Variants in CHERP observed in about 807,000 individuals in gnomAD.
The protein encoded by CHERP is calcium homeostasis endoplasmic reticulum protein, also known as ERPROT 213-21.
A neutral mutation model predicts 113.8 loss-of-function variants in CHERP; 8 were observed. The observed-to-expected ratio is 0.07, with a 90% CI of 0.04 to 0.13. The LOEUF (loss-of-function observed/expected upper bound fraction) is 0.13, where lower values mean the gene tolerates loss of function less well. Among genes scored for constraint, CHERP ranks in the 10% least tolerant of loss-of-function variants. CHERP has a pLI of 1.00. For synonymous variants in CHERP, 559 were observed against 524.5 expected (o/e 1.07, Z -0.90); for missense variants, 884 against 1,298.2 (o/e 0.68, Z 4.90).
Position 16,525,263 on chromosome 19 carries a change from G to C in CHERP, c.1720C>G (p.Pro574Ala). 7.0e-7 allele frequency: 1 copy of C among 1,433,096 alleles called. No individual in the cohort carries two copies. The highest frequency in any genetic ancestry group is 1.5e-5 in the African/African-American group (1 of 67,496). The allele number at this position is 1,433,096 out of a possible 1,614,324, so 88.8% of individuals were successfully genotyped here. Residue 574 changes from proline (P) to alanine (A), a missense_variant, in exon 10 of 17, where the codon CCC (proline) becomes GCC (alanine). Coordinates refer to ENST00000546361, the MANE Select transcript of CHERP (RefSeq NM_006387.6). This position sits in a 1 kb window ranked among gnomAD's most constrained non-coding sequence, Gnocchi z 6.5. ...RPPYPHRFDY[P>A]QGDFPAEMGP... ...TCACCGGCAGGGAAGTCCCCCTGGG[G>C]GTAGTCGAAGCGGTGGGGATAGGGC...
At position 16,525,073 on chromosome 19, in the gene CHERP, GC is replaced by G. The variant is rs1029234511; in HGVS notation, c.1741+168del. Among the ~76,000 whole-genome samples, 2 of 152,166 alleles carry G rather than the reference GC, an allele frequency of 1.3e-5. No individual in the cohort carries two copies. Among genetic ancestry groups the G allele is most frequent in the Non-Finnish European group, 2.9e-5 (2 of 68,030 alleles). On this transcript the variant is annotated intron_variant, in intron 10 of 16. Coordinates refer to ENST00000546361, the MANE Select transcript of CHERP (RefSeq NM_006387.6). This position sits in a 1 kb window ranked among gnomAD's most constrained non-coding sequence, Gnocchi z 6.5. ...ATCAGGGCGGCAAAACTGAGTCTGT[GC>G]CCCCACTTCCTGAGAACCCAGGCCG...
chr19:16,536,854 T>C (rs2085744423), intron 2 of CHERP, among the ~76,000 whole-genome samples: 1 of 151,852 alleles, frequency 6.6e-6, no homozygotes, highest in Admixed American at 6.6e-5. Flanking sequence ...CTACTGAAAA[T>C]GCAAAAAATT....
In CHERP at chr19:16,519,835, A is replaced by G; in HGVS notation, c.2463-120T>C. On this transcript the variant is annotated intron_variant, in intron 15 of 16. Coordinates refer to ENST00000546361, the MANE Select transcript of CHERP (RefSeq NM_006387.6). This position sits in a 1 kb window ranked among gnomAD's most constrained non-coding sequence, Gnocchi z 6.0. Reference sequence around the variant, plus strand: ...GCTCACTGTCACCAGGTGACACCGTATGCAGATTTTGCGTCTCTACCCGTT... The same window carrying G: ...GCTCACTGTCACCAGGTGACACCGTGTGCAGATTTTGCGTCTCTACCCGTT... The G allele has an allele frequency of 1.1e-6, 1 of 911,382 alleles. No individual in the cohort carries two copies. The highest frequency in any genetic ancestry group is 1.8e-6 in the Non-Finnish European group (1 of 553,308). The allele number at this position is 911,382 out of a possible 1,614,324, so 56.5% of individuals were successfully genotyped here.
At position 16,532,767 on chromosome 19, in the gene CHERP, A is replaced by G; in HGVS notation, c.523-18T>C. 6.3e-7 allele frequency: 1 copy of G among 1,599,544 alleles called. No individual in the cohort carries two copies. Among genetic ancestry groups the G allele is most frequent in the Non-Finnish European group, 8.5e-7 (1 of 1,169,678 alleles). ...TTCCCGGCCTGCAACAACCGAGCCA[A>G]TGACGAGTGAGCAGGGCCGCGGCTC... is the stretch of plus-strand genomic sequence containing the variant. On this transcript the variant is annotated intron_variant, in intron 4 of 16. Coordinates refer to ENST00000546361, the MANE Select transcript of CHERP (RefSeq NM_006387.6). The surrounding 1 kb of genome is among the most constrained non-coding windows in gnomAD (Gnocchi z 4.4).
chr19:16,519,081 A>G lies in CHERP; in HGVS notation c.*78T>C, dbSNP rs2085579730. The G allele has an allele frequency of 7.6e-7, 1 of 1,318,034 alleles. No individual in the cohort carries two copies. The highest frequency in any genetic ancestry group is 1.1e-6 in the Non-Finnish European group (1 of 946,700). The allele number at this position is 1,318,034 out of a possible 1,614,324, so 81.6% of individuals were successfully genotyped here. A position where few individuals can be genotyped will look rare whatever the true frequency, so the allele number is the denominator to read the frequency against. On this transcript the variant is annotated 3_prime_UTR_variant, in exon 17 of 17. Coordinates refer to ENST00000546361, the MANE Select transcript of CHERP (RefSeq NM_006387.6). This position sits in a 1 kb window ranked among gnomAD's most constrained non-coding sequence, Gnocchi z 6.0. Reference sequence around the variant, plus strand: ...GGTGTAAGAACTGAGCTGTCACTGCAATCTTCCTCTGCCAGTCAGCCAGGA... The same window carrying G: ...GGTGTAAGAACTGAGCTGTCACTGCGATCTTCCTCTGCCAGTCAGCCAGGA...
At chr19:16,539,722 T>A (rs2057147292) in intron 2 of CHERP, 1 of 151,866 alleles carries the variant, frequency 6.6e-6, no homozygotes, top group South Asian at 2.1e-4. Context: ...CAGGCTGGAG[T>A]GCAGTGGCTA....
chr19:16,541,740 T>C (rs1039557552), intron 2 of CHERP, 130 bp downstream of exon 2: 5 of 944,100 alleles, frequency 5.3e-6, no homozygotes, highest in Non-Finnish European at 8.0e-6. Context: ...GGAACAGGGA[T>C]CGTGTGGACC....
At chr19:16,537,252 C>G (rs1201725030) in intron 2 of CHERP, among the ~76,000 whole-genome samples, 2 of 151,548 alleles carry the variant, frequency 1.3e-5, no homozygotes, top group African/African-American at 4.9e-5. Context: ...GCTTGCCTCC[C>G]TTGGCCTCCA....
chr19:16,519,300 G>A lies in CHERP; in HGVS notation c.2610C>T (p.Pro870=). 6.2e-7 allele frequency: 1 copy of A among 1,613,916 alleles called. No individual in the cohort carries two copies. Among genetic ancestry groups the A allele is most frequent in the Non-Finnish European group, 8.5e-7 (1 of 1,180,012 alleles). The change falls in exon 17 of 17, where the codon CCC becomes CCT. Residue 870 remains proline (P), a synonymous_variant. Coordinates refer to ENST00000546361, the MANE Select transcript of CHERP (RefSeq NM_006387.6). The surrounding 1 kb of genome is among the most constrained non-coding windows in gnomAD (Gnocchi z 6.0). ...LGAKEQGIQD[P]IKGGDVRDKW... The stretch of plus-strand genomic sequence containing the variant: ...TATCCCGGACGTCCCCGCCCTTGAT[G>A]GGGTCCTGGATCCCTTGCTCCTTCG...
Position 16,530,606 on chromosome 19 carries a change from G to C in CHERP, c.855C>G (p.Ala285=), listed in dbSNP as rs1360143759. ...TCACCTGGTACTGACCAAGCCCCAG[G>C]GCTGGGCTCTGTAGCTGCTGAATGA... ...DSIIQQLQSP[A]LGLGQYQATL... is the part of the protein sequence containing the mutation. The change falls in exon 7 of 17, where the codon GCC becomes GCG. Residue 285 remains alanine (A), a synonymous_variant. Transcript: ENST00000546361. The surrounding 1 kb of genome is among the most constrained non-coding windows in gnomAD (Gnocchi z 4.1). 6.2e-7 allele frequency: 1 copy of C among 1,614,026 alleles called. No individual in the cohort carries two copies. Among genetic ancestry groups the C allele is most frequent in the South Asian group, 1.1e-5 (1 of 91,088 alleles).
At chr19:16,539,491 G>A (rs909028753) in intron 2 of CHERP, among the ~76,000 whole-genome samples, 3 of 152,074 alleles carry the variant, frequency 2.0e-5, no homozygotes, top group Non-Finnish European at 4.4e-5. Context: ...AGGAAGGATC[G>A]CTCTAGAAAC....
chr19:16,527,658 CA>C (rs1426213914), intron 9 of CHERP, among the ~76,000 whole-genome samples: 1 of 152,210 alleles, frequency 6.6e-6, no homozygotes, highest in Non-Finnish European at 1.5e-5. Context: ...TGAGGCCTCC[CA>C]GGGGCAACAC....
At chr19:16,527,395 T>G (rs2085663764) in intron 9 of CHERP, among the ~76,000 whole-genome samples, 1 of 152,170 alleles carries the variant, frequency 6.6e-6, no homozygotes, top group Non-Finnish European at 1.5e-5. Flanking sequence ...CCACCAAGTC[T>G]CAGTCCAGAG....
Position 16,519,748 on chromosome 19 carries a change from G to C in CHERP, c.2463-33C>G, listed in dbSNP as rs764800161. ...CGAGACAGGTTATTCTTTTTAAGAA[G>C]TAACTGAGACATTTATTGGAATGAC... On this transcript the variant is annotated intron_variant, in intron 15 of 16. Coordinates refer to ENST00000546361, the MANE Select transcript of CHERP (RefSeq NM_006387.6). The surrounding 1 kb of genome is among the most constrained non-coding windows in gnomAD (Gnocchi z 6.0). 1.3e-6 allele frequency: 2 copies of C among 1,545,248 alleles called. No individual in the cohort carries two copies. Among genetic ancestry groups the C allele is most frequent in the Admixed American group, 1.7e-5 (1 of 59,904 alleles).
intron 1 of CHERP, 124 bp from the exon 2 acceptor site, chr19:16,542,167 C>T: frequency 8.3e-7 from 1 of 1,203,074 alleles, no homozygotes; most frequent in Non-Finnish European, 1.1e-6. Flanking sequence ...GAAGAGGCCG[C>T]CCTTGTACGG....
intron 8 of CHERP, among the ~76,000 whole-genome samples, 193 bp from the exon 9 acceptor site, chr19:16,528,448 A>G (rs1420623387): frequency 2.6e-5 from 4 of 152,210 alleles, no homozygotes; most frequent in Non-Finnish European, 5.9e-5. Context: ...GACCTTGAAC[A>G]TGACACACAT....
At chr19:16,537,529 C>G (rs974061296) in intron 2 of CHERP, among the ~76,000 whole-genome samples, 1 of 151,592 alleles carries the variant, frequency 6.6e-6, no homozygotes, top group East Asian at 2.0e-4. Flanking sequence ...TTTCCTCTCA[C>G]CCCCTACACC....
At chr19:16,521,179 A>G (rs1294856948) in intron 12 of CHERP, 13 of 582,874 alleles carry the variant, frequency 2.2e-5, no homozygotes, top group Non-Finnish European at 3.7e-5. Context: ...ACTGGGAAAC[A>G]GGAACACTGA....
In CHERP at chr19:16,525,620, A is replaced by AG. The variant is rs770045437; in HGVS notation, c.1362dup (p.Trp455LeufsTer6). Reference sequence around the variant, plus strand: ...CACATGCCCTCATGGCTGTTGTTCCAGGGGGGGCAGTGGGGTGGGCCGCCC... The same window carrying AG: ...CACATGCCCTCATGGCTGTTGTTCCAGGGGGGGGCAGTGGGGTGGGCCGCCC... On this transcript the variant is annotated frameshift_variant, in exon 10 of 17. Transcript: ENST00000546361. LOFTEE classifies it high-confidence loss of function. This position sits in a 1 kb window ranked among gnomAD's most constrained non-coding sequence, Gnocchi z 6.5. 6 of 1,532,308 alleles carry AG rather than the reference A, an allele frequency of 3.9e-6. No individual in the cohort carries two copies. Among genetic ancestry groups the AG allele is most frequent in the Admixed American group, 2.0e-5 (1 of 50,574 alleles). The allele number at this position is 1,532,308 out of a possible 1,614,324, so 94.9% of individuals were successfully genotyped here. A position where few individuals can be genotyped will look rare whatever the true frequency, so the allele number is the denominator to read the frequency against.
Sources: gnomAD v4.1 joint callset for allele counts (sites outside exome capture counted in the v4.1 genomes callset) on GRCh38, gnomAD v4.1.1 for gene constraint, Gnocchi (gnomAD v3.1) non-coding constraint, MANE v1.5 for transcripts, NCBI Gene and HGNC (gene_info 2026-07-23, HGNC 2026-07-21) for gene names.